The following OMA1 variants were observed in gnomAD, a reference collection of about 807,000 sequenced individuals.
OMA1 encodes the protein OMA1 zinc metallopeptidase, also known as metalloendopeptidase OMA1, mitochondrial.
OMA1 carries 38 observed loss-of-function variants against 30.9 expected under a neutral mutation model. That is an observed-to-expected ratio of 1.23 (90% confidence interval 0.95 to 1.61). OMA1 has a LOEUF of 1.61. Ranked by LOEUF, OMA1 falls within the 40% of genes most tolerant of loss-of-function variation. The probability of loss-of-function intolerance (pLI) is 0.00; values close to 1 mark genes in which losing one functional copy is unlikely to be tolerated. For missense variants in OMA1, 461 were observed against 349.2 expected (o/e 1.32, Z -2.55); for synonymous variants, 173 against 121.9 (o/e 1.42, Z -2.76).
chr1:58,518,952 T>A (rs2100447295), intron 7 of OMA1, among the ~76,000 whole-genome samples: 1 of 152,308 alleles, frequency 6.6e-6, no homozygotes, highest in East Asian at 1.9e-4. Flanking sequence ...AACTTGATCA[T>A]AATCACACAG....
intron 7 of OMA1, among the ~76,000 whole-genome samples, chr1:58,515,393 C>A (rs922274566): frequency 5.3e-5 from 8 of 152,072 alleles, no homozygotes; most frequent in Non-Finnish European, 1.0e-4. Flanking sequence ...TGATTGCCAG[C>A]AGGTCATTTC....
In OMA1 at chr1:58,506,241, A is replaced by T. The variant is rs745740511; in HGVS notation, c.1216-32T>A. The T allele has an allele frequency of 3.6e-6, 3 of 842,654 alleles. No individual in the cohort carries two copies. In the Admixed American group the frequency reaches 5.3e-5, roughly 15 times the overall value. 52.2% of individuals were successfully genotyped at this position (842,654 alleles called of 1,614,324 possible). ...CCAAAATTAGTAAAACCACACAATG[A>T]GCTCAGTTTTGAGGATTTTTTAAAA... On this transcript the variant is annotated intron_variant, in intron 7 of 8. Transcript: ENST00000371226.
intron 8 of OMA1, among the ~76,000 whole-genome samples, chr1:58,494,650 CA>C: frequency 6.6e-6 from 1 of 152,124 alleles, no homozygotes; most frequent in South Asian, 2.1e-4. Context: ...TTTATGCAGC[CA>C]AAAGACACAT....
chr1:58,546,519 C>T (rs1037485557), intron 1 of OMA1, 184 bp downstream of exon 1: 1 of 150,160 alleles, frequency 6.7e-6, no homozygotes, highest in Non-Finnish European at 1.5e-5. Flanking sequence ...CTCCCCTCCA[C>T]GCAGCCTTAT....
chr1:58,484,210 G>A (rs1333333931), intron 8 of OMA1, among the ~76,000 whole-genome samples: 1 of 152,036 alleles, frequency 6.6e-6, no homozygotes, highest in Non-Finnish European at 1.5e-5. Flanking sequence ...TCCGTTACTG[G>A]GCATTAGAAT....
intron 8 of OMA1, among the ~76,000 whole-genome samples, chr1:58,503,562 G>A (rs1319364628): frequency 1.3e-5 from 2 of 152,080 alleles, no homozygotes; most frequent in African/African-American, 4.8e-5. Flanking sequence ...ATGGTATCAG[G>A]AGGTAAGCGC....
At chr1:58,525,393 T>C (rs946488627) in intron 7 of OMA1, among the ~76,000 whole-genome samples, 1 of 151,992 alleles carries the variant, frequency 6.6e-6, no homozygotes, top group Admixed American at 6.6e-5. Flanking sequence ...AAGGAAGAAA[T>C]AAAGGTTGCT....
At chr1:58,546,452 G>A (rs1447699924) in intron 1 of OMA1, among the ~76,000 whole-genome samples, 2 of 152,216 alleles carry the variant, frequency 1.3e-5, no homozygotes, top group African/African-American at 4.8e-5. Flanking sequence ...GGCTAGGGGA[G>A]AACCGGGCTC....
chr1:58,482,497 G>C (rs1473886361), intron 8 of OMA1, among the ~76,000 whole-genome samples: 1 of 151,844 alleles, frequency 6.6e-6, no homozygotes, highest in East Asian at 1.9e-4. Context: ...TTAATATTTA[G>C]GAGTTTTAAA....
chr1:58,515,611 C>G (rs1005762228), intron 7 of OMA1, among the ~76,000 whole-genome samples: 2 of 152,038 alleles, frequency 1.3e-5, no homozygotes, highest in African/African-American at 4.8e-5. Context: ...TACAACATAC[C>G]TATTAAATAA....
At chr1:58,526,693 C>G (rs1445950526) in intron 7 of OMA1, among the ~76,000 whole-genome samples, 1 of 151,166 alleles carries the variant, frequency 6.6e-6, no homozygotes, top group Non-Finnish European at 1.5e-5. Context: ...AATCAGTTTG[C>G]TTAGCCAAGA....
At chr1:58,536,879 CAATT>C (rs1646526556) in intron 2 of OMA1, 138 bp from the exon 3 acceptor site, 6 of 569,614 alleles carry the variant, frequency 1.1e-5, no homozygotes, top group Non-Finnish European at 1.9e-5. Context: ...ATCGCTTTTC[CAATT>C]AATAAAATTC....
chr1:58,510,278 C>A (rs2100425489), intron 7 of OMA1, among the ~76,000 whole-genome samples: 1 of 152,186 alleles, frequency 6.6e-6, no homozygotes, highest in East Asian at 1.9e-4. Context: ...AAGGATCACA[C>A]CTCATGACCA....
At chr1:58,496,230 T>C (rs1167598166) in intron 8 of OMA1, among the ~76,000 whole-genome samples, 1 of 152,104 alleles carries the variant, frequency 6.6e-6, no homozygotes. Context: ...ATCTTCCGCA[T>C]CAATGAGTCT....
chr1:58,486,493 A>G (rs1569867661), intron 8 of OMA1, among the ~76,000 whole-genome samples: 1 of 152,030 alleles, frequency 6.6e-6, no homozygotes, highest in Admixed American at 6.6e-5. Context: ...TCTATTTTTC[A>G]CCCACTATTA....
chr1:58,530,173 G>A (rs905883535), intron 6 of OMA1, among the ~76,000 whole-genome samples: 8 of 152,130 alleles, frequency 5.3e-5, no homozygotes, highest in East Asian at 1.9e-4. Context: ...GAGCCACGGC[G>A]CCCGGCCAAT....
intron 8 of OMA1, among the ~76,000 whole-genome samples, chr1:58,503,716 G>A (rs968319570): frequency 2.0e-5 from 3 of 152,028 alleles, no homozygotes; most frequent in African/African-American, 7.2e-5. Context: ...TGGGAAGTGG[G>A]CCCTCACCAG....
At chr1:58,527,611 T>C (rs1339771471) in intron 6 of OMA1, among the ~76,000 whole-genome samples, 1 of 152,194 alleles carries the variant, frequency 6.6e-6, no homozygotes, top group Non-Finnish European at 1.5e-5. Context: ...TTTCCAATTA[T>C]AGTCTCCACC....
rs758811298 is a variant in OMA1, at chr1:58,481,096, T to G, written c.1444A>C (p.Lys482Gln). 7 of 871,990 alleles carry G rather than the reference T, an allele frequency of 8.0e-6. No individual in the cohort carries two copies. Among genetic ancestry groups the G allele is most frequent in the African/African-American group, 4.9e-5 (3 of 61,288 alleles). The allele number at this position is 871,990 out of a possible 1,614,324, so 54.0% of individuals were successfully genotyped here. A position where few individuals can be genotyped will look rare whatever the true frequency, so the allele number is the denominator to read the frequency against. ...DPRLLFKLST[K>Q]HFLEESEKED... ...TTCTCTGATTCTTCAAGAAAATGCT[T>G]CGTGCTGAGTTTGAATAGTAATCGA... is the stretch of plus-strand genomic sequence containing the variant. The change falls in exon 9 of 9, where the codon AAG becomes CAG. Residue 482 changes from lysine to glutamine, a missense_variant. Coordinates refer to ENST00000371226, the MANE Select transcript of OMA1 (RefSeq NM_145243.5).
Sources: gnomAD v4.1 joint callset for allele counts (sites outside exome capture counted in the v4.1 genomes callset) on GRCh38, gnomAD v4.1.1 for gene constraint, MANE v1.5 for transcripts, NCBI Gene and HGNC (gene_info 2026-07-23, HGNC 2026-07-21) for gene names.